EXOC2: variants seen among roughly 807,000 people sequenced by gnomAD.
The protein encoded by EXOC2 is SEC5-like 1.
A neutral mutation model predicts 131.8 loss-of-function variants in EXOC2; 70 were observed. The observed-to-expected ratio is 0.53, with a 90% confidence interval of 0.44 to 0.65. The LOEUF (loss-of-function observed/expected upper bound fraction) is 0.65, where lower values mean the gene tolerates loss of function less well. Among genes scored for constraint, EXOC2 ranks in the 30% least tolerant of loss-of-function variants. EXOC2 has a pLI of 0.00. For missense variants in EXOC2, 923 were observed against 1,108.6 expected (o/e 0.83, Z 2.38); for synonymous variants, 411 against 398.4 (o/e 1.03, Z -0.38).
At chr6:560,476 C>A (rs1757641720) in intron 17 of EXOC2, among the ~76,000 whole-genome samples, 1 of 152,128 alleles carries the variant, frequency 6.6e-6, no homozygotes, top group South Asian at 2.1e-4. Flanking sequence ...AAAAATAAAC[C>A]CATAAAGTCA....
At chr6:498,774 A>G (rs1763878453) in intron 24 of EXOC2, among the ~76,000 whole-genome samples, 1 of 152,190 alleles carries the variant, frequency 6.6e-6, no homozygotes, top group Non-Finnish European at 1.5e-5. Context: ...AGCAGGCGGC[A>G]TAAACCTAAA....
At chr6:500,425 G>T (rs903521731) in intron 23 of EXOC2, among the ~76,000 whole-genome samples, 1 of 152,190 alleles carries the variant, frequency 6.6e-6, no homozygotes, top group Non-Finnish European at 1.5e-5. Flanking sequence ...GACTATTGGG[G>T]ACCAAACCCC....
At chr6:538,643 T>C (rs949094358) in intron 22 of EXOC2, among the ~76,000 whole-genome samples, 4 of 152,152 alleles carry the variant, frequency 2.6e-5, no homozygotes, top group African/African-American at 9.7e-5. Flanking sequence ...AAGATAACAA[T>C]TTAATTGTGT....
intron 22 of EXOC2, among the ~76,000 whole-genome samples, chr6:540,884 T>C (rs534401618): frequency 1.3e-5 from 2 of 152,112 alleles, no homozygotes; most frequent in East Asian, 3.9e-4. Flanking sequence ...GCAAATAAAG[T>C]ATCTAAAAAG....
chr6:513,093 C>T lies in EXOC2; in HGVS notation c.2381-13393G>A, dbSNP rs186197424. Among the ~76,000 whole-genome samples the T allele has an allele frequency of 9.8e-5, 15 of 152,326 alleles. No homozygotes were observed. The East Asian group carries it at 2.3e-3, about 23-fold the overall frequency. ...CATTTTCAGGTATTTCCAGCAGAGC[C>T]GTTATGAATGCAGCTGGTGGTGTCT... is the stretch of plus-strand genomic sequence containing the variant. On this transcript the variant is annotated intron_variant, in intron 23 of 27. Transcript: ENST00000230449.
At chr6:529,119 C>CT (rs1049739519) in intron 23 of EXOC2, among the ~76,000 whole-genome samples, 8 of 148,106 alleles carry the variant, frequency 5.4e-5, no homozygotes, top group African/African-American at 7.4e-5. Flanking sequence ...GCCTTTTACC[C>CT]CCCCCCGCGC....
intron 10 of EXOC2, among the ~76,000 whole-genome samples, chr6:594,729 G>C (rs1352865230): frequency 6.6e-6 from 1 of 152,178 alleles, no homozygotes; most frequent in Non-Finnish European, 1.5e-5. Context: ...GTTTATAAAA[G>C]TTTTACAAAG....
chr6:593,398 A>C (rs1250559262), intron 10 of EXOC2, among the ~76,000 whole-genome samples: 1 of 152,258 alleles, frequency 6.6e-6, no homozygotes, highest in East Asian at 1.9e-4. Flanking sequence ...AGATTTGGTG[A>C]CAACACTCAC....
At chr6:619,617 C>A in intron 4 of EXOC2, 74 bp from the exon 5 acceptor site, 1 of 913,670 alleles carries the variant, frequency 1.1e-6, no homozygotes, top group Non-Finnish European at 1.8e-6. Flanking sequence ...CACTAAGTAT[C>A]CAGTATAACA....
intron 27 of EXOC2, among the ~76,000 whole-genome samples, chr6:487,316 C>G (rs375513779): frequency 3.4e-5 from 3 of 89,270 alleles, no homozygotes; most frequent in East Asian, 8.1e-4. Context: ...ACCACCAGGG[C>G]AAGCAGGGTT....
chr6:643,740 T>C (rs1344056840), intron 1 of EXOC2, among the ~76,000 whole-genome samples: 1 of 151,776 alleles, frequency 6.6e-6, no homozygotes, highest in African/African-American at 2.4e-5. Flanking sequence ...GTAAAAAGAA[T>C]TTGAAAAAAA....
At chr6:619,378 C>G in intron 5 of EXOC2, 52 bp downstream of exon 5, 1 of 1,428,506 alleles carries the variant, frequency 7.0e-7, no homozygotes, top group Non-Finnish European at 9.9e-7. Context: ...GTAATTCCAT[C>G]TTTAGCATCT....
intron 27 of EXOC2, among the ~76,000 whole-genome samples, chr6:488,671 T>C (rs1424149650): frequency 6.6e-6 from 1 of 152,198 alleles, no homozygotes; most frequent in African/African-American, 2.4e-5. Context: ...TACAGTTTAC[T>C]GAATAAGTCA....
chr6:606,589 G>C (rs1760429198), intron 7 of EXOC2, among the ~76,000 whole-genome samples: 1 of 152,220 alleles, frequency 6.6e-6, no homozygotes, highest in Admixed American at 6.5e-5. Flanking sequence ...TGCTCTGACA[G>C]ATTATCCTGC....
chr6:670,920 G>T (rs1030946877), intron 1 of EXOC2, among the ~76,000 whole-genome samples: 6 of 152,106 alleles, frequency 3.9e-5, no homozygotes, highest in African/African-American at 1.4e-4. Flanking sequence ...GGTCAAGAAA[G>T]TAAGTCTTTT....
At chr6:512,200 G>C (rs1319805417) in intron 23 of EXOC2, among the ~76,000 whole-genome samples, 1 of 152,224 alleles carries the variant, frequency 6.6e-6, no homozygotes, top group Non-Finnish European at 1.5e-5. Context: ...AAGGCCCACA[G>C]TACTTTGCAA....
chr6:601,157 G>A (rs1760111118), intron 7 of EXOC2, among the ~76,000 whole-genome samples: 1 of 152,170 alleles, frequency 6.6e-6, no homozygotes, highest in Non-Finnish European at 1.5e-5. Context: ...CACAGATAAC[G>A]CCACCAGGAA....
At chr6:548,736 A>G (rs1361244115) in intron 22 of EXOC2, among the ~76,000 whole-genome samples, 1 of 152,202 alleles carries the variant, frequency 6.6e-6, no homozygotes, top group Non-Finnish European at 1.5e-5. Flanking sequence ...ACAGAAAGGG[A>G]GAGAGGAAGG....
At position 634,296 on chromosome 6, in the gene EXOC2, G is replaced by GAACTC. The variant is rs1348485389; in HGVS notation, c.119-1180_119-1179insGAGTT. 2.6e-5 allele frequency among the ~76,000 whole-genome samples: 4 copies of GAACTC among 152,190 alleles called. No homozygotes were observed. The East Asian group carries it at 7.7e-4, about 29-fold the overall frequency. ...GACACAGTTTCGTCATGCTGGTCAG[G>GAACTC]CTGGTCTCGAACTCCTGGCCTCAAG... On this transcript the variant is annotated intron_variant, in intron 2 of 27. Coordinates refer to ENST00000230449, the MANE Select transcript of EXOC2 (RefSeq NM_018303.6).
Sources: gnomAD v4.1 joint callset for allele counts (sites outside exome capture counted in the v4.1 genomes callset) on GRCh38, gnomAD v4.1.1 for gene constraint, MANE v1.5 for transcripts, NCBI Gene and HGNC (gene_info 2026-07-23, HGNC 2026-07-21) for gene names.